The following SMCP variants were observed in gnomAD, a reference collection of about 807,000 sequenced individuals.
The protein encoded by SMCP is sperm mitochondria associated cysteine rich protein.
For synonymous variants in SMCP, 41 were observed against 46.9 expected, an observed-to-expected ratio of 0.87 and a Z score of 0.51; for missense variants, 137 against 137.1, an observed-to-expected ratio of 1.00 and a Z score of 0.01.
chr1:152,884,831 GGT>G lies in SMCP; in HGVS notation c.*60_*61del. 2 of 1,475,186 alleles carry G rather than the reference GGT, an allele frequency of 1.4e-6. No homozygotes were observed. Among genetic ancestry groups the G allele is most frequent in the Admixed American group, 3.7e-5 (2 of 54,678 alleles). 91.4% of individuals were successfully genotyped at this position (1,475,186 alleles called of 1,614,324 possible). A position where few individuals can be genotyped will look rare whatever the true frequency, so the allele number is the denominator to read the frequency against. Reference sequence around the variant, plus strand: ...TGGGGCCATGCCTTTCACTTTGTAGGGTGGGGGATTACTGAGAGTCAGGCTAG... The same window carrying G: ...TGGGGCCATGCCTTTCACTTTGTAGGGGGGGATTACTGAGAGTCAGGCTAG... On this transcript the variant is annotated 3_prime_UTR_variant, in exon 2 of 2. Coordinates refer to ENST00000368765, the MANE Select transcript of SMCP (RefSeq NM_030663.3).
At chr1:152,881,713 AG>A (rs1649059117) in intron 1 of SMCP, among the ~76,000 whole-genome samples, 3 of 151,178 alleles carry the variant, frequency 2.0e-5, no homozygotes, top group Non-Finnish European at 2.9e-5. Flanking sequence ...AAAAAAAAAA[AG>A]ATACTACCCA....
chr1:152,878,602 C>T (rs895620161), intron 1 of SMCP, among the ~76,000 whole-genome samples, 156 bp downstream of exon 1: 9 of 152,162 alleles, frequency 5.9e-5, no homozygotes, highest in African/African-American at 9.7e-5. Flanking sequence ...CAGGAAAAAG[C>T]TCCTGCTTCT....
intron 1 of SMCP, 70 bp from the exon 2 acceptor site, chr1:152,884,333 T>C: frequency 7.7e-7 from 1 of 1,296,668 alleles, no homozygotes; most frequent in Non-Finnish European, 1.1e-6. Flanking sequence ...TATTTGGGTG[T>C]CAAGAAAGGA....
At chr1:152,879,826 G>T (rs1236751487) in intron 1 of SMCP, among the ~76,000 whole-genome samples, 1 of 152,148 alleles carries the variant, frequency 6.6e-6, no homozygotes, top group Non-Finnish European at 1.5e-5. Flanking sequence ...TCACTATGGG[G>T]GACATGCTTG....
chr1:152,879,688 A>G (rs1355840547), intron 1 of SMCP, among the ~76,000 whole-genome samples: 2 of 152,214 alleles, frequency 1.3e-5, no homozygotes, highest in African/African-American at 4.8e-5. Context: ...ACCTGCATCC[A>G]TGGGGGTGAG....
intron 1 of SMCP, among the ~76,000 whole-genome samples, chr1:152,881,537 A>G (rs1444603652): frequency 6.6e-6 from 1 of 151,096 alleles, no homozygotes; most frequent in Non-Finnish European, 1.5e-5. Context: ...AAATACAAAA[A>G]ATTAGCCGGG....
chr1:152,882,164 T>A (rs565275263), intron 1 of SMCP, among the ~76,000 whole-genome samples: 168 of 152,186 alleles, frequency 1.1e-3, no homozygotes, highest in Admixed American at 3.6e-3. Context: ...AGAGACAGGG[T>A]TTCACCATGT....
intron 1 of SMCP, among the ~76,000 whole-genome samples, chr1:152,881,981 A>G (rs1649069026): frequency 6.6e-6 from 1 of 151,996 alleles, no homozygotes; most frequent in Non-Finnish European, 1.5e-5. Flanking sequence ...ATTTTACTTT[A>G]TTTTATTTTT....
rs111327628 is a variant in SMCP, at chr1:152,883,270, C to T, written c.-20-1133C>T. On this transcript the variant is annotated intron_variant, in intron 1 of 1. Transcript: ENST00000368765. ...GCTGAGTCCACAGAGGGGGTACAGGCTCATTTCCCGTGCTTCTACATTTCC... is the reference window on the plus strand; with the variant it reads ...GCTGAGTCCACAGAGGGGGTACAGGTTCATTTCCCGTGCTTCTACATTTCC... 9.6e-3 allele frequency among the ~76,000 whole-genome samples: 1,457 copies of T among 152,290 alleles called. 16 individuals are homozygous for T. The highest frequency in any genetic ancestry group is 0.03 in the African/African-American group (1,260 of 41,558).
rs879244049 is a variant in SMCP at position 152,884,837 on chromosome 1, G to A, written c.*64G>A. 1.4e-6 allele frequency: 2 copies of A among 1,425,806 alleles called. No individual in the cohort carries two copies. The highest frequency in any genetic ancestry group is 2.3e-5 in the East Asian group (1 of 43,652). 88.3% of individuals were successfully genotyped at this position (1,425,806 alleles called of 1,614,324 possible). A position where few individuals can be genotyped will look rare whatever the true frequency, so the allele number is the denominator to read the frequency against. On this transcript the variant is annotated 3_prime_UTR_variant, in exon 2 of 2. Transcript: ENST00000368765. Reference sequence around the variant, plus strand: ...CATGCCTTTCACTTTGTAGGGTGGGGGATTACTGAGAGTCAGGCTAGACCT... The same window carrying A: ...CATGCCTTTCACTTTGTAGGGTGGGAGATTACTGAGAGTCAGGCTAGACCT...
At chr1:152,880,590 C>A (rs1008014940) in intron 1 of SMCP, among the ~76,000 whole-genome samples, 3 of 152,200 alleles carry the variant, frequency 2.0e-5, no homozygotes, top group Non-Finnish European at 2.9e-5. Context: ...AGCCTCTTTG[C>A]AGCTTCCTCT....
intron 1 of SMCP, among the ~76,000 whole-genome samples, chr1:152,883,186 C>T (rs1485758545): frequency 6.6e-6 from 1 of 152,222 alleles, no homozygotes; most frequent in East Asian, 1.9e-4. Flanking sequence ...TCCTACCCTA[C>T]CAGTGACAGG....
At chr1:152,883,896 T>C (rs1370677284) in intron 1 of SMCP, among the ~76,000 whole-genome samples, 1 of 152,224 alleles carries the variant, frequency 6.6e-6, no homozygotes, top group African/African-American at 2.4e-5. Context: ...CCTGGGTCCA[T>C]GGGTGCCACA....
chr1:152,882,944 C>T lies in SMCP; in HGVS notation c.-20-1459C>T, dbSNP rs1022800147. Among the ~76,000 whole-genome samples, 12 of 152,066 alleles carry T rather than the reference C, an allele frequency of 7.9e-5. No homozygotes were observed. The East Asian group carries it at 1.5e-3, about 20-fold the overall frequency. On this transcript the variant is annotated intron_variant, in intron 1 of 1. Coordinates refer to ENST00000368765, the MANE Select transcript of SMCP (RefSeq NM_030663.3). ...CTGTAATCTCAGGTACTCCGGAGGC[C>T]GAGGCAGGAGAATCGCTTGAACCTG...
rs2101624234 is a variant in SMCP at position 152,884,819 on chromosome 1, T to G, written c.*46T>G. ...AGAAGAAGTCCCTGGGGCCATGCCT[T>G]TCACTTTGTAGGGTGGGGGATTACT... On this transcript the variant is annotated 3_prime_UTR_variant, in exon 2 of 2. Transcript: ENST00000368765. 6.5e-7 allele frequency: 1 copy of G among 1,546,810 alleles called. No homozygotes were observed. The highest frequency in any genetic ancestry group is 1.4e-5 in the African/African-American group (1 of 73,118).
chr1:152,884,216 A>G (rs535429702), intron 1 of SMCP, among the ~76,000 whole-genome samples, 187 bp from the exon 2 acceptor site: 35 of 152,246 alleles, frequency 2.3e-4, no homozygotes, highest in Admixed American at 2.3e-3. Flanking sequence ...TAAGGAACAA[A>G]CACACTGGCA....
At chr1:152,879,165 T>C (rs1220653595) in intron 1 of SMCP, among the ~76,000 whole-genome samples, 2 of 152,196 alleles carry the variant, frequency 1.3e-5, no homozygotes, top group African/African-American at 4.8e-5. Flanking sequence ...GTGCACAGCA[T>C]GGTTGGGAAG....
chr1:152,878,524 C>T (rs1337046041), intron 1 of SMCP, 78 bp downstream of exon 1: 1 of 152,546 alleles, frequency 6.6e-6, no homozygotes, highest in Non-Finnish European at 1.5e-5. Flanking sequence ...TACGTATTTA[C>T]CTACTGAGAC....
chr1:152,884,265 G>C (rs1649137215), intron 1 of SMCP, 138 bp from the exon 2 acceptor site: 1 of 751,338 alleles, frequency 1.3e-6, no homozygotes, highest in African/African-American at 1.8e-5. Context: ...TGGCCTCTCT[G>C]AGGGATCCAG....
Sources: allele counts gnomAD v4.1 joint callset (sites outside exome capture counted in the v4.1 genomes callset), GRCh38; gene constraint gnomAD v4.1.1; transcripts MANE v1.5; gene names NCBI Gene and HGNC (gene_info 2026-07-23, HGNC 2026-07-21).